The following ANLN variants were observed in gnomAD, a reference collection of about 807,000 sequenced individuals.
The protein encoded by ANLN is anillin.
Under a neutral mutation model 135.1 loss-of-function variants are expected in ANLN, and 59 were observed. The ratio of observed to expected loss-of-function variants is 0.44; its 90% confidence interval spans 0.35 to 0.54. The LOEUF is 0.54. ANLN is among the 20% of genes least tolerant of loss of function. The probability of loss-of-function intolerance (pLI) is 0.00; values close to 1 mark genes in which losing one functional copy is unlikely to be tolerated. For synonymous variants in ANLN, 406 were observed against 456.4 expected, an observed-to-expected ratio of 0.89 and a Z score of 1.41; for missense variants, 1,182 against 1,340.0, an observed-to-expected ratio of 0.88 and a Z score of 1.84.
intron 1 of ANLN, 89 bp from the exon 2 acceptor site, chr7:36,396,177 T>C: frequency 1.7e-6 from 2 of 1,155,112 alleles, no homozygotes; most frequent in South Asian, 4.3e-5. Flanking sequence ...TGTCATCCTG[T>C]ATGGCAATTG....
chr7:36,415,200 GTTTTC>G (rs1787590018), intron 7 of ANLN, among the ~76,000 whole-genome samples: 2 of 152,126 alleles, frequency 1.3e-5, no homozygotes, highest in African/African-American at 2.4e-5. Context: ...ACGAGGGAAT[GTTTTC>G]TTCTCTTCTC....
At chr7:36,400,700 A>G (rs1349310295) in intron 3 of ANLN, among the ~76,000 whole-genome samples, 1 of 152,212 alleles carries the variant, frequency 6.6e-6, no homozygotes, top group African/African-American at 2.4e-5. Context: ...TAGTGCAGGT[A>G]GACCCCACGG....
chr7:36,431,508 ATCTG>A (rs1562812133), intron 20 of ANLN, among the ~76,000 whole-genome samples: 1 of 149,660 alleles, frequency 6.7e-6, no homozygotes, highest in Non-Finnish European at 1.5e-5. Flanking sequence ...TACTTTAGAT[ATCTG>A]TCTATCTATC....
chr7:36,425,119 G>T (rs1788026785), intron 17 of ANLN, among the ~76,000 whole-genome samples: 1 of 151,408 alleles, frequency 6.6e-6, no homozygotes, highest in South Asian at 2.1e-4. Context: ...AGCCTTCCCA[G>T]TCTGTGTTCT....
At chr7:36,422,931 G>T in intron 14 of ANLN, 122 bp downstream of exon 14, 2 of 838,762 alleles carry the variant, frequency 2.4e-6, no homozygotes, top group Non-Finnish European at 3.5e-6. Context: ...TGGCCTTTAG[G>T]TCCTTTTATT....
At chr7:36,423,700 A>G in intron 14 of ANLN, 117 bp from the exon 15 acceptor site, 1 of 983,736 alleles carries the variant, frequency 1.0e-6, no homozygotes, top group South Asian at 2.7e-5. Flanking sequence ...GTAATTTTAA[A>G]AATAAATTGT....
intron 13 of ANLN, 123 bp downstream of exon 13, chr7:36,422,115 A>AT: frequency 8.8e-7 from 1 of 1,141,336 alleles, no homozygotes; most frequent in South Asian, 1.8e-5. Context: ...CAGTGGATCT[A>AT]TTTTTTGTTC....
rs532915734 is a variant in ANLN at position 36,443,067 on chromosome 7, C to T, written c.2971-688C>T. Among the ~76,000 whole-genome samples, 7 of 152,234 alleles carry T rather than the reference C, an allele frequency of 4.6e-5. No homozygotes were observed. In the East Asian group the frequency reaches 7.7e-4, roughly 17 times the overall value. ...TACCCTGTTTAAGTGGAAGTGCTTC[C>T]GTGGAACAAAACCAGATGTTATTAG... is the stretch of plus-strand genomic sequence containing the variant. On this transcript the variant is annotated intron_variant, in intron 21 of 23. Coordinates refer to ENST00000265748, the MANE Select transcript of ANLN (RefSeq NM_018685.5).
At chr7:36,449,924 T>C in intron 23 of ANLN, 87 bp downstream of exon 23, 1 of 1,336,534 alleles carries the variant, frequency 7.5e-7, no homozygotes, top group Non-Finnish European at 1.0e-6. Flanking sequence ...TCACAGATGG[T>C]CCTTGACGTT....
chr7:36,434,235 T>G (rs1264620347), intron 20 of ANLN, among the ~76,000 whole-genome samples: 1 of 152,252 alleles, frequency 6.6e-6, no homozygotes, highest in African/African-American at 2.4e-5. Context: ...GTTCAAGTTT[T>G]GTTTTAAATG....
intron 3 of ANLN, among the ~76,000 whole-genome samples, chr7:36,400,222 C>T (rs1458838564): frequency 6.6e-6 from 1 of 152,198 alleles, no homozygotes; most frequent in African/African-American, 2.4e-5. Flanking sequence ...GGCACTAAGA[C>T]TTGCAATTTG....
At chr7:36,417,485 CTCTGTTTTCA>C (rs1265042408) in intron 9 of ANLN, among the ~76,000 whole-genome samples, 1 of 151,936 alleles carries the variant, frequency 6.6e-6, no homozygotes, top group East Asian at 1.9e-4. Flanking sequence ...TTATGTTTTC[CTCTGTTTTCA>C]TACCACCACA....
intron 21 of ANLN, among the ~76,000 whole-genome samples, chr7:36,442,106 A>G (rs1788798795): frequency 6.6e-6 from 1 of 152,232 alleles, no homozygotes; most frequent in South Asian, 2.1e-4. Flanking sequence ...AAATTTACAT[A>G]AAACAGTGAA....
rs1485208499 is a variant in ANLN, at chr7:36,399,216, C to T, written c.310C>T (p.Gln104Ter). 2.5e-6 allele frequency: 4 copies of T among 1,614,174 alleles called. No homozygotes were observed. The highest frequency in any genetic ancestry group is 2.5e-6 in the Non-Finnish European group (3 of 1,180,036). ...KSCSPSPVSP[Q>*]VQPQAADTIS... is the part of the protein sequence containing the mutation. ...TTGTTCTCCAAGTCCTGTGTCTCCT[C>T]AGGTGCAGCCACAAGCAGCAGATAC... Residue 104 changes from glutamine (Q) to a stop codon, truncating the protein, a stop_gained, in exon 3 of 24, where the codon CAG becomes TAG. Coordinates refer to ENST00000265748, the MANE Select transcript of ANLN (RefSeq NM_018685.5). LOFTEE classifies it high-confidence loss of function.
intron 11 of ANLN, 139 bp from the exon 12 acceptor site, chr7:36,420,458 C>T (rs1200008964): frequency 1.3e-5 from 16 of 1,251,050 alleles, no homozygotes; most frequent in Non-Finnish European, 1.8e-5. Context: ...TCTCTTTCAC[C>T]AAATGAGAGT....
intron 21 of ANLN, among the ~76,000 whole-genome samples, chr7:36,442,943 T>TTG (rs1385710706): frequency 2.0e-5 from 1 of 51,132 alleles, no homozygotes; most frequent in African/African-American, 5.5e-5. Flanking sequence ...TTGTTTGTTG[T>TTG]TTTTTTTTTT....
intron 20 of ANLN, among the ~76,000 whole-genome samples, chr7:36,432,303 G>A (rs1788364162): frequency 6.6e-6 from 1 of 152,112 alleles, no homozygotes; most frequent in Non-Finnish European, 1.5e-5. Context: ...AATGGTGTCT[G>A]GGAACTCATC....
At chr7:36,448,664 A>G (rs1457487467) in intron 22 of ANLN, among the ~76,000 whole-genome samples, 1 of 152,196 alleles carries the variant, frequency 6.6e-6, no homozygotes, top group African/African-American at 2.4e-5. Flanking sequence ...GGCGGCTTAT[A>G]TAATGGGAGG....
chr7:36,431,595 GTGTA>G (rs1439464867), intron 20 of ANLN, among the ~76,000 whole-genome samples: 15 of 21,118 alleles, frequency 7.1e-4, no homozygotes, highest in African/African-American at 1.5e-3. Context: ...GTGTGTGTGT[GTGTA>G]TATATATATA....
Sources: allele counts gnomAD v4.1 joint callset (sites outside exome capture counted in the v4.1 genomes callset), GRCh38; gene constraint gnomAD v4.1.1; transcripts MANE v1.5; gene names NCBI Gene and HGNC (gene_info 2026-07-23, HGNC 2026-07-21).